The following PYGL variants were observed in gnomAD, a reference collection of about 807,000 sequenced individuals.
The protein encoded by PYGL is glycogen phosphorylase, liver form.
A neutral mutation model predicts 100.1 loss-of-function variants in PYGL; 90 were observed. The observed-to-expected ratio is 0.90, with a 90% CI of 0.76 to 1.07. The LOEUF (loss-of-function observed/expected upper bound fraction) is 1.07. Among genes scored for constraint, PYGL ranks in the 50% least tolerant of loss-of-function variants. The pLI is 0.00. For synonymous variants in PYGL, 373 were observed against 393.0 expected (o/e 0.95, Z 0.60); for missense variants, 1,016 against 1,057.6 (o/e 0.96, Z 0.55).
chr14:50,928,272 A>G (rs984642117), intron 4 of PYGL, among the ~76,000 whole-genome samples: 4 of 152,212 alleles, frequency 2.6e-5, no homozygotes, highest in Non-Finnish European at 5.9e-5. Context: ...GTGAACAGTC[A>G]TCAGGAGAGC....
chr14:50,937,706 C>T (rs1206904439), intron 2 of PYGL, 30 bp downstream of exon 2: 1 of 1,573,852 alleles, frequency 6.4e-7, no homozygotes, highest in African/African-American at 1.4e-5. Context: ...TTTAAAGAGA[C>T]AGGATGAGAG....
At chr14:50,913,928 C>G (rs2050422476) in intron 12 of PYGL, among the ~76,000 whole-genome samples, 1 of 152,056 alleles carries the variant, frequency 6.6e-6, no homozygotes, top group Non-Finnish European at 1.5e-5. Context: ...GTTTCAAACT[C>G]CTGGCCTCAA....
At chr14:50,934,920 C>T (rs537688252) in intron 3 of PYGL, among the ~76,000 whole-genome samples, 187 bp downstream of exon 3, 11 of 152,208 alleles carry the variant, frequency 7.2e-5, no homozygotes, top group African/African-American at 2.4e-4. Flanking sequence ...TTCAAGTTCC[C>T]ATCTCTACTA....
rs2139197732 is a variant in PYGL at position 50,937,802 on chromosome 14, GC to G, written c.278del (p.Gly93AlafsTer8). 4 of 1,613,944 alleles carry G rather than the reference GC, an allele frequency of 2.5e-6. No individual in the cohort carries two copies. The highest frequency in any genetic ancestry group is 3.4e-6 in the Non-Finnish European group (4 of 1,179,930). ...TGATCATGGTGTTCTGTAATGTTCG[GC>G]CCATGTAAAATTCCAGAGAGAGGTA... ...VYYLSLEFYM[G>X]RTLQNTMINL... On this transcript the variant is annotated frameshift_variant, in exon 2 of 20. Transcript: ENST00000216392. LOFTEE classifies it high-confidence loss of function.
chr14:50,941,819 A>G (rs1384395358), intron 1 of PYGL, among the ~76,000 whole-genome samples: 1 of 152,210 alleles, frequency 6.6e-6, no homozygotes, highest in Non-Finnish European at 1.5e-5. Flanking sequence ...CAGAGGTTGC[A>G]GTGAGCCGAG....
Position 50,905,547 on chromosome 14 carries a change from C to G in PYGL, c.2389G>C (p.Ala797Pro). The G allele has an allele frequency of 6.2e-7, 1 of 1,613,964 alleles. No homozygotes were observed. The highest frequency in any genetic ancestry group is 1.1e-5 in the South Asian group (1 of 91,078). ...TTTTTGAGTACCATTGTGTTCCAGG[C>G]CTTTGGATTCTGTAAACAACATATG... ...KVSQLYMNPK[A>P]WNTMVLKNIA... The change falls in exon 20 of 20, where the codon GCC (alanine) becomes CCC (proline). Residue 797 changes from alanine to proline, a missense_variant. Transcript: ENST00000216392.
Position 50,923,554 on chromosome 14 carries a change from C to G in PYGL, c.660+415G>C, listed in dbSNP as rs531912852. ...CTGCCCGCTTCGGCTTCCCAAAGTG[C>G]TGGGATTACAGTTGTGAGCCACTGC... On this transcript the variant is annotated intron_variant, in intron 5 of 19. Coordinates refer to ENST00000216392, the MANE Select transcript of PYGL (RefSeq NM_002863.5). 9.3e-5 allele frequency: 17 copies of G among 182,758 alleles called. No individual in the cohort carries two copies. In the South Asian group the frequency reaches 1.7e-3, roughly 19 times the overall value. The allele number at this position is 182,758 out of a possible 1,614,324, so 11.3% of individuals were successfully genotyped here. A position where few individuals can be genotyped will look rare whatever the true frequency, so the allele number is the denominator to read the frequency against.
intron 6 of PYGL, 100 bp downstream of exon 6, chr14:50,920,856 T>C: frequency 7.9e-7 from 1 of 1,271,864 alleles, no homozygotes; most frequent in South Asian, 1.3e-5. Context: ...GATCAGAAAC[T>C]CAAGGCTTTT....
chr14:50,940,849 G>A (rs1167828251), intron 1 of PYGL, among the ~76,000 whole-genome samples: 6 of 152,152 alleles, frequency 3.9e-5, no homozygotes, highest in Admixed American at 3.9e-4. Flanking sequence ...TAGTCAGAGG[G>A]CCTGGGTACT....
In PYGL at chr14:50,921,034, G is replaced by T. The variant is rs1453659042; in HGVS notation, c.694C>A (p.Pro232Thr). Residue 232 changes from proline to threonine, a missense_variant, in exon 6 of 20, where the codon CCC (proline) becomes ACC (threonine). Physicochemically the swap from Pro to Thr is conservative, Grantham distance 38 (BLOSUM62 -1). Transcript: ENST00000216392. ...VLALPYDTPV[P>T]GYMNNTVNTM... ...TTGACAGTGTTATTCATGTAGCCGG[G>T]CACGGGGGTGTCATATGGCAGAGCC... 1.2e-6 allele frequency: 2 copies of T among 1,614,078 alleles called. No homozygotes were observed. The highest frequency in any genetic ancestry group is 1.7e-6 in the Non-Finnish European group (2 of 1,180,024).
intron 18 of PYGL, 138 bp downstream of exon 18, chr14:50,908,673 CGCTAATCTAT>C (rs2050358167): frequency 2.6e-6 from 3 of 1,168,700 alleles, no homozygotes; most frequent in Non-Finnish European, 3.7e-6. Context: ...GAGCAGATCA[CGCTAATCTAT>C]GCTAATCTAC....
intron 1 of PYGL, among the ~76,000 whole-genome samples, chr14:50,938,770 T>C (rs904924003): frequency 6.6e-6 from 1 of 152,304 alleles, no homozygotes; most frequent in Non-Finnish European, 1.5e-5. Flanking sequence ...ATTCAATGTT[T>C]TGTGTTTTTT....
At chr14:50,926,128 G>T (rs774467435) in intron 4 of PYGL, among the ~76,000 whole-genome samples, 1 of 152,142 alleles carries the variant, frequency 6.6e-6, no homozygotes, top group Admixed American at 6.6e-5. Flanking sequence ...AGGCAGGAAG[G>T]TCACTTGATC....
chr14:50,926,455 G>C (rs79026108), intron 4 of PYGL, among the ~76,000 whole-genome samples: 1 of 151,852 alleles, frequency 6.6e-6, no homozygotes, highest in African/African-American at 2.4e-5. Flanking sequence ...TTGGCCAGGC[G>C]TGGTGGCAAC....
At chr14:50,908,778 C>A in intron 18 of PYGL, 43 bp downstream of exon 18, 2 of 1,530,608 alleles carry the variant, frequency 1.3e-6, no homozygotes, top group Non-Finnish European at 1.8e-6. Flanking sequence ...TTCTTGTCCC[C>A]CTTTCATGAT....
intron 12 of PYGL, among the ~76,000 whole-genome samples, chr14:50,914,277 A>C (rs1353225969): frequency 2.6e-5 from 4 of 152,098 alleles, no homozygotes; most frequent in Admixed American, 6.5e-5. Flanking sequence ...GGAGCAGATA[A>C]CCTGAGGTCA....
At chr14:50,934,345 G>GA (rs1185556835) in intron 3 of PYGL, among the ~76,000 whole-genome samples, 3 of 151,994 alleles carry the variant, frequency 2.0e-5, no homozygotes, top group South Asian at 2.1e-4. Flanking sequence ...GTCTACCACT[G>GA]AAAAAATAAA....
chr14:50,910,085 G>T lies in PYGL; in HGVS notation c.1987C>A (p.Leu663Met). ...CCTGCAGTGGAAATCTGCTCTGACA[G>T]ATCTGTGGCTGGAATGACTGCAAGA... The part of the protein sequence containing the change: ...LAEKVIPATD[L>M]SEQISTAGTE... The change falls in exon 17 of 20, where the codon CTG becomes ATG. Residue 663 changes from leucine to methionine, a missense_variant. Coordinates refer to ENST00000216392, the MANE Select transcript of PYGL (RefSeq NM_002863.5). 4.3e-6 allele frequency: 7 copies of T among 1,613,972 alleles called. No homozygotes were observed. Among genetic ancestry groups the T allele is most frequent in the Non-Finnish European group, 4.2e-6 (5 of 1,179,822 alleles).
chr14:50,925,974 T>C (rs1432702382), intron 4 of PYGL, among the ~76,000 whole-genome samples: 1 of 152,168 alleles, frequency 6.6e-6, no homozygotes, highest in Non-Finnish European at 1.5e-5. Context: ...CAGGGGCTCC[T>C]GATTCTACTG....
Sources: gnomAD v4.1 joint callset for allele counts (sites outside exome capture counted in the v4.1 genomes callset) on GRCh38, gnomAD v4.1.1 for gene constraint, MANE v1.5 for transcripts, NCBI Gene and HGNC (gene_info 2026-07-23, HGNC 2026-07-21) for gene names.